The following NAALADL2 variants were observed in gnomAD, a reference collection of about 807,000 sequenced individuals.
NAALADL2 encodes inactive N-acetylated-alpha-linked acidic dipeptidase-like protein 2.
In NAALADL2, 76 loss-of-function variants were observed where a neutral mutation model predicts 87.2. The ratio of observed to expected loss-of-function variants is 0.87; its 90% CI spans 0.72 to 1.05. The LOEUF (loss-of-function observed/expected upper bound fraction) is 1.05, where lower values mean the gene tolerates loss of function less well. Among genes scored for constraint, NAALADL2 ranks in the 50% least tolerant of loss-of-function variants. The probability of loss-of-function intolerance (pLI) is 0.00; values close to 1 mark genes in which losing one functional copy is unlikely to be tolerated. For synonymous variants in NAALADL2, 354 were observed against 331.0 expected (o/e 1.07, Z -0.75); for missense variants, 1,089 against 945.8 (o/e 1.15, Z -1.99).
At chr3:175,246,377 T>C (rs1747978077) in intron 3 of NAALADL2, among the ~76,000 whole-genome samples, 1 of 152,218 alleles carries the variant, frequency 6.6e-6, no homozygotes, top group Non-Finnish European at 1.5e-5. Flanking sequence ...AGAAAATTAC[T>C]GTTTTAGTCT....
chr3:175,661,448 C>T (rs1202811312), intron 11 of NAALADL2, among the ~76,000 whole-genome samples: 1 of 151,558 alleles, frequency 6.6e-6, no homozygotes, highest in East Asian at 1.9e-4. Flanking sequence ...TTCTCCCATT[C>T]TGTAAATTGT....
chr3:174,845,233 T>C (rs957606972), intron 3 of NAALADL2, among the ~76,000 whole-genome samples: 2 of 152,052 alleles, frequency 1.3e-5, no homozygotes, highest in Non-Finnish European at 2.9e-5. Flanking sequence ...AGGCTGGCTG[T>C]TTTGTTGCTG....
At chr3:175,701,862 T>C (rs1739044985) in intron 11 of NAALADL2, among the ~76,000 whole-genome samples, 1 of 152,204 alleles carries the variant, frequency 6.6e-6, no homozygotes, top group Non-Finnish European at 1.5e-5. Context: ...CTGCATTCCA[T>C]TTTTCTGTCT....
intron 1 of NAALADL2, among the ~76,000 whole-genome samples, chr3:174,487,897 G>A (rs1717955298): frequency 6.6e-6 from 1 of 151,944 alleles, no homozygotes; most frequent in Admixed American, 6.6e-5. Flanking sequence ...TGCATTTCGG[G>A]ATAGTTTTGC....
intron 9 of NAALADL2, among the ~76,000 whole-genome samples, chr3:175,500,238 A>G (rs1319859878): frequency 6.6e-6 from 1 of 152,112 alleles, no homozygotes; most frequent in African/African-American, 2.4e-5. Flanking sequence ...AGTGAAGTCT[A>G]GATAATCCAG....
intron 10 of NAALADL2, among the ~76,000 whole-genome samples, chr3:175,614,087 C>G (rs1214401920): frequency 6.6e-6 from 1 of 152,172 alleles, no homozygotes; most frequent in East Asian, 1.9e-4. Context: ...GAGTCTTGCT[C>G]CGTCACCCAG....
chr3:174,992,338 G>T lies in NAALADL2; in HGVS notation c.44-104452G>T, dbSNP rs1294481744. Among the ~76,000 whole-genome samples the T allele has an allele frequency of 2.0e-5, 3 of 152,030 alleles. No homozygotes were observed. The South Asian group carries it at 6.2e-4, about 32-fold the overall frequency. On this transcript the variant is annotated intron_variant, in intron 1 of 13. Coordinates refer to ENST00000454872, the MANE Select transcript of NAALADL2 (RefSeq NM_207015.3). ...AAGATCATTGTTGATTTGAAGCAAC[G>T]TAATTTCTTGAGTTTACTAACAATG... is the stretch of plus-strand genomic sequence containing the variant.
chr3:174,902,523 AT>A, intron 1 of NAALADL2, among the ~76,000 whole-genome samples: 1 of 152,258 alleles, frequency 6.6e-6, no homozygotes, highest in Middle Eastern at 3.4e-3. Flanking sequence ...CAATCGCGTG[AT>A]TAAAGATGTA....
At chr3:174,917,877 G>A (rs578146839) in intron 1 of NAALADL2, among the ~76,000 whole-genome samples, 47 of 151,712 alleles carry the variant, frequency 3.1e-4, no homozygotes, top group African/African-American at 9.4e-4. Flanking sequence ...TCTAATTTTC[G>A]TCATAATTTT....
chr3:174,987,592 A>AAC (rs1746092455), intron 1 of NAALADL2, among the ~76,000 whole-genome samples: 1 of 142,146 alleles, frequency 7.0e-6, no homozygotes, highest in East Asian at 2.0e-4. Context: ...AAAAAAAAAA[A>AAC]AAAAAACAAT....
chr3:174,697,156 T>C (rs904068324), intron 2 of NAALADL2, among the ~76,000 whole-genome samples: 4 of 152,166 alleles, frequency 2.6e-5, no homozygotes, highest in African/African-American at 9.7e-5. Flanking sequence ...ATCTTGATGA[T>C]AGCAATGCCA....
rs530042501 is a variant in NAALADL2 at position 175,273,718 on chromosome 3, A to ATG, written c.939+17201_939+17202dup. ...TATTTCATAAAGAATATGTGTGTGC[A>ATG]TGTGTGTGTGTGTGCGTGTGTGTGT... On this transcript the variant is annotated intron_variant, in intron 4 of 13. Coordinates refer to ENST00000454872, the MANE Select transcript of NAALADL2 (RefSeq NM_207015.3). Among the ~76,000 whole-genome samples the ATG allele has an allele frequency of 8.9e-3, 1,320 of 147,744 alleles. 21 individuals are homozygous for ATG. Among genetic ancestry groups the ATG allele is most frequent in the African/African-American group, 0.032 (1,251 of 39,634 alleles).
chr3:174,766,209 A>T (rs947035516), intron 3 of NAALADL2, among the ~76,000 whole-genome samples: 9 of 152,026 alleles, frequency 5.9e-5, no homozygotes, highest in Non-Finnish European at 1.3e-4. Flanking sequence ...ATATCATGTT[A>T]CCTTATTGGG....
chr3:174,496,905 C>T (rs975145612), intron 1 of NAALADL2, among the ~76,000 whole-genome samples: 1 of 152,028 alleles, frequency 6.6e-6, no homozygotes, highest in African/African-American at 2.4e-5. Flanking sequence ...ATGCATAATT[C>T]ATTGTAAGTG....
chr3:175,265,307 G>A (rs545834607), intron 4 of NAALADL2, among the ~76,000 whole-genome samples: 1 of 151,774 alleles, frequency 6.6e-6, no homozygotes, highest in African/African-American at 2.4e-5. Context: ...TCCTAAAACT[G>A]ACTTTGTGAT....
chr3:175,119,640 GT>G (rs1310354292), intron 2 of NAALADL2, among the ~76,000 whole-genome samples: 2 of 149,476 alleles, frequency 1.3e-5, no homozygotes, highest in Non-Finnish European at 3.0e-5. Flanking sequence ...ATCTAAAGAT[GT>G]TTTTAGTTTG....
At chr3:175,706,143 A>T (rs1279284281) in intron 11 of NAALADL2, among the ~76,000 whole-genome samples, 2 of 152,056 alleles carry the variant, frequency 1.3e-5, no homozygotes, top group Non-Finnish European at 2.9e-5. Flanking sequence ...ACTACACAAA[A>T]TGGGGGATAT....
At chr3:175,658,257 T>C (rs1379972183) in intron 11 of NAALADL2, among the ~76,000 whole-genome samples, 2 of 152,154 alleles carry the variant, frequency 1.3e-5, no homozygotes, top group African/African-American at 2.4e-5. Flanking sequence ...ATGCAATGGT[T>C]GCTATGGGTT....
chr3:175,373,658 T>C (rs924748558), intron 5 of NAALADL2, among the ~76,000 whole-genome samples: 1 of 152,224 alleles, frequency 6.6e-6, no homozygotes, highest in African/African-American at 2.4e-5. Flanking sequence ...ACATAGATTT[T>C]CTTTTCTGTT....
Sources: allele counts gnomAD v4.1 joint callset (sites outside exome capture counted in the v4.1 genomes callset), GRCh38; gene constraint gnomAD v4.1.1; transcripts MANE v1.5; gene names NCBI Gene and HGNC (gene_info 2026-07-23, HGNC 2026-07-21).